The following CNTLN variants were observed in gnomAD, a reference collection of about 807,000 sequenced individuals.
CNTLN encodes the protein centlein.
CNTLN carries 212 observed loss-of-function variants against 180.0 expected under a neutral mutation model. That is an observed-to-expected ratio of 1.18 (90% confidence interval 1.05 to 1.32). The LOEUF is 1.32. Among genes scored for constraint, CNTLN ranks in the 40% most tolerant of loss-of-function variants. CNTLN has a pLI of 0.00. For synonymous variants in CNTLN, 722 were observed against 563.1 expected (o/e 1.28, Z -3.99); for missense variants, 2,095 against 1,610.9 (o/e 1.30, Z -5.14).
intron 5 of CNTLN, among the ~76,000 whole-genome samples, chr9:17,246,841 G>T (rs1431376591): frequency 6.6e-6 from 1 of 152,072 alleles, no homozygotes; most frequent in African/African-American, 2.4e-5. Flanking sequence ...TCTTTAGTCA[G>T]CAGGAGATGA....
chr9:17,398,720 T>G (rs531785345), intron 15 of CNTLN, among the ~76,000 whole-genome samples: 141 of 152,316 alleles, frequency 9.3e-4, no homozygotes, highest in African/African-American at 3.2e-3. Context: ...TCTTTAACTC[T>G]TTGAGGCATG....
chr9:17,440,996 T>A (rs928563536), intron 18 of CNTLN, among the ~76,000 whole-genome samples: 26 of 152,226 alleles, frequency 1.7e-4, no homozygotes, highest in African/African-American at 4.3e-4. Flanking sequence ...ACAATTAGTG[T>A]GTGGTGATAA....
At chr9:17,312,337 C>CTG (rs1563984574) in intron 8 of CNTLN, among the ~76,000 whole-genome samples, 1 of 42,574 alleles carries the variant, frequency 2.3e-5, no homozygotes, top group African/African-American at 5.9e-5. Flanking sequence ...GATAAGATTA[C>CTG]TGTATTTATA....
intron 2 of CNTLN, among the ~76,000 whole-genome samples, chr9:17,175,508 C>T (rs774246124): frequency 3.9e-5 from 6 of 152,206 alleles, no homozygotes; most frequent in Non-Finnish European, 7.4e-5. Flanking sequence ...ATCTATAGGT[C>T]TGTTTTCTGT....
chr9:17,388,248 C>G lies in CNTLN; in HGVS notation c.2074C>G (p.Gln692Glu). ...AAAAGAAATGTTGGAGCAGACATTA[C>G]AGAAGGTAGTCTAATCTTTAAGATA... ...NGKEMLEQTL[Q>E]KVTELENRLK... is the part of the protein sequence containing the mutation. The change falls in exon 14 of 26, where the codon CAG becomes GAG. Residue 692 changes from glutamine to glutamate, a missense_variant. Coordinates refer to ENST00000380647, the MANE Select transcript of CNTLN (RefSeq NM_017738.4). 6.2e-7 allele frequency: 1 copy of G among 1,602,356 alleles called. No individual in the cohort carries two copies. The highest frequency in any genetic ancestry group is 1.1e-5 in the South Asian group (1 of 90,628).
intron 6 of CNTLN, among the ~76,000 whole-genome samples, chr9:17,289,905 T>C (rs1436141481): frequency 7.1e-6 from 1 of 140,842 alleles, no homozygotes; most frequent in Non-Finnish European, 1.5e-5. Flanking sequence ...TAGGTATACA[T>C]TCTTCTAAAT....
intron 2 of CNTLN, among the ~76,000 whole-genome samples, chr9:17,189,894 A>G (rs1431209357): frequency 2.0e-5 from 3 of 151,832 alleles, no homozygotes; most frequent in African/African-American, 7.3e-5. Context: ...GTCCTCTCTT[A>G]CCTTTAGGAA....
At chr9:17,291,090 C>T (rs1205064427) in intron 6 of CNTLN, among the ~76,000 whole-genome samples, 4 of 152,132 alleles carry the variant, frequency 2.6e-5, no homozygotes, top group Non-Finnish European at 4.4e-5. Context: ...GCAGGTTGTT[C>T]AGTTTCCATG....
At chr9:17,471,539 A>G (rs767885756) in intron 23 of CNTLN, among the ~76,000 whole-genome samples, 5 of 152,124 alleles carry the variant, frequency 3.3e-5, no homozygotes, top group African/African-American at 7.2e-5. Context: ...GAAGGCTGAC[A>G]TCAGTTTTTG....
At chr9:17,317,638 G>A (rs372801012) in intron 8 of CNTLN, among the ~76,000 whole-genome samples, 4 of 152,250 alleles carry the variant, frequency 2.6e-5, no homozygotes, top group African/African-American at 9.6e-5. Context: ...GAGAGTGATA[G>A]GGCTTTTTTG....
intron 1 of CNTLN, among the ~76,000 whole-genome samples, chr9:17,136,327 T>G (rs1817713635): frequency 6.6e-6 from 1 of 152,134 alleles, no homozygotes; most frequent in South Asian, 2.1e-4. Context: ...GTGAACAGTA[T>G]CATCAGTTTA....
chr9:17,342,722 G>A lies in CNTLN; in HGVS notation c.1886+278G>A, dbSNP rs566846100. 4.6e-5 allele frequency among the ~76,000 whole-genome samples: 7 copies of A among 152,240 alleles called. No homozygotes were observed. The South Asian group carries it at 1.5e-3, about 32-fold the overall frequency. On this transcript the variant is annotated intron_variant, in intron 12 of 25. Transcript: ENST00000380647. ...CTGTTGGAGGTGTCGCTCTTCATTA[G>A]CCTGTATTTTAGACGCTGCCGTGCT...
chr9:17,378,386 G>T (rs1012393731), intron 13 of CNTLN, among the ~76,000 whole-genome samples: 1 of 152,018 alleles, frequency 6.6e-6, no homozygotes, highest in Admixed American at 6.6e-5. Flanking sequence ...TCACCATGTT[G>T]GCCAGGATGG....
chr9:17,283,586 G>C (rs200808806), intron 6 of CNTLN, among the ~76,000 whole-genome samples: 2 of 152,046 alleles, frequency 1.3e-5, no homozygotes, highest in Non-Finnish European at 2.9e-5. Flanking sequence ...AATACCCTTT[G>C]TTTCTTTGTC....
rs185659870 is a variant in CNTLN, at chr9:17,196,278, C to G, written c.450-29925C>G. ...ACCTCAGGTGATCCACCTGCCTCGG[C>G]CTCCCAAAATGCAGGGATTACAGGC... On this transcript the variant is annotated intron_variant, in intron 2 of 25. Coordinates refer to ENST00000380647, the MANE Select transcript of CNTLN (RefSeq NM_017738.4). Among the ~76,000 whole-genome samples the G allele has an allele frequency of 1.6e-3, 249 of 152,242 alleles. 1 individual carries two copies. The highest frequency in any genetic ancestry group is 5.8e-3 in the African/African-American group (240 of 41,534).
At chr9:17,356,927 T>C (rs10810774) in intron 12 of CNTLN, among the ~76,000 whole-genome samples, 88,961 of 151,820 alleles carry the variant, frequency 0.59, 26,385 homozygotes, top group East Asian at 0.73. Context: ...AGAAATGATT[T>C]ACACATTTGT....
Position 17,364,021 on chromosome 9 carries a change from A to G in CNTLN, c.1887-2596A>G, listed in dbSNP as rs78564879. Among the ~76,000 whole-genome samples the G allele has an allele frequency of 5.1e-3, 782 of 152,186 alleles. 5 individuals carry two copies. The highest frequency in any genetic ancestry group is 0.018 in the African/African-American group (751 of 41,538). ...AGTTGTTAGAAGTGTTTTCTTCTCAATCTGGTTCATTTAAAGATTGTCTCT... is the reference window on the plus strand; with the variant it reads ...AGTTGTTAGAAGTGTTTTCTTCTCAGTCTGGTTCATTTAAAGATTGTCTCT... On this transcript the variant is annotated intron_variant, in intron 12 of 25. Coordinates refer to ENST00000380647, the MANE Select transcript of CNTLN (RefSeq NM_017738.4).
chr9:17,333,545 A>G (rs3808784), intron 10 of CNTLN, among the ~76,000 whole-genome samples: 90,131 of 151,886 alleles, frequency 0.59, 27,019 homozygotes, highest in East Asian at 0.73. Context: ...TATAATATAG[A>G]TTACTCTTAA....
chr9:17,462,871 C>A, intron 19 of CNTLN, 45 bp from the exon 20 acceptor site: 1 of 1,041,262 alleles, frequency 9.6e-7, no homozygotes, highest in Non-Finnish European at 1.4e-6. Context: ...TGCCTTAGAC[C>A]AAGGTTGTAA....
Sources: allele counts gnomAD v4.1 joint callset (sites outside exome capture counted in the v4.1 genomes callset), GRCh38; gene constraint gnomAD v4.1.1; transcripts MANE v1.5; gene names NCBI Gene and HGNC (gene_info 2026-07-23, HGNC 2026-07-21).